The following LCT variants were observed in gnomAD, a reference collection of about 807,000 sequenced individuals.
LCT encodes the protein lactase/phlorizin hydrolase.
Under a neutral mutation model 173.0 loss-of-function variants are expected in LCT, and 90 were observed. The ratio of observed to expected loss-of-function variants is 0.52; its 90% CI spans 0.44 to 0.62. LCT has a LOEUF of 0.62. Among genes scored for constraint, LCT ranks in the 20% least tolerant of loss-of-function variants. LCT has a pLI of 0.00. For missense variants in LCT, 1,864 were observed against 2,431.4 expected, an observed-to-expected ratio of 0.77 and a Z score of 4.91; for synonymous variants, 853 against 957.6, an observed-to-expected ratio of 0.89 and a Z score of 2.02.
chr2:135,835,281 T>G (rs1020580433), intron 1 of LCT, among the ~76,000 whole-genome samples: 7 of 151,436 alleles, frequency 4.6e-5, no homozygotes, highest in Admixed American at 4.6e-4. Flanking sequence ...AGCACTGGAG[T>G]AAATTATTAT....
chr2:135,803,514 C>T (rs2077644399), intron 11 of LCT, among the ~76,000 whole-genome samples: 1 of 152,202 alleles, frequency 6.6e-6, no homozygotes, highest in Admixed American at 6.5e-5. Context: ...CCATGAGCAG[C>T]CTCCTGTTGG....
intron 1 of LCT, among the ~76,000 whole-genome samples, chr2:135,836,109 C>T (rs976147449): frequency 2.1e-4 from 32 of 150,366 alleles, no homozygotes; most frequent in African/African-American, 7.9e-4. Context: ...ACATCTGCCT[C>T]CTGGGTTCAA....
rs1373028087 is a variant in LCT at position 135,812,533 on chromosome 2, G to A, written c.2131C>T (p.Gln711Ter). The A allele has an allele frequency of 6.2e-7, 1 of 1,614,218 alleles. No homozygotes were observed. The highest frequency in any genetic ancestry group is 8.5e-7 in the Non-Finnish European group (1 of 1,180,038). The change falls in exon 7 of 17, where the codon CAA becomes TAA. Residue 711 changes from glutamine (Q) to a stop codon, truncating the protein, a stop_gained. Transcript: ENST00000264162. LOFTEE classifies it high-confidence loss of function. ...TGGGGCCACACATGGTTCACGTGTT[G>A]GGAGAAGCCTCCAATGGTATCATAG... is the stretch of plus-strand genomic sequence containing the variant. ...PSYDTIGGFS[Q>*]HVNHVWPQTS...
At chr2:135,819,157 TTATGTGCATGTA>T (rs1463117047) in intron 5 of LCT, among the ~76,000 whole-genome samples, 1 of 152,210 alleles carries the variant, frequency 6.6e-6, no homozygotes, top group East Asian at 1.9e-4. Context: ...ACATACATGT[TTATGTGCATGTA>T]TATGCATGTA....
intron 1 of LCT, 82 bp from the exon 2 acceptor site, chr2:135,833,272 C>T: frequency 1.1e-6 from 1 of 935,086 alleles, no homozygotes; most frequent in Non-Finnish European, 1.8e-6. Context: ...GATTCATTTC[C>T]TATGGACCTG....
chr2:135,812,869 T>C lies in LCT; in HGVS notation c.1795A>G (p.Ile599Val). The change falls in exon 7 of 17, where the codon ATT becomes GTT. Residue 599 changes from isoleucine to valine, a missense_variant. Ile to Val is a conservative substitution (Grantham distance 29, BLOSUM62 3). Transcript: ENST00000264162. ...TCTGCCCAGTCTGAGTTCAGCACAA[T>C]GCCCACGTGCCCCTGCTGCTGTGGG... is the stretch of plus-strand genomic sequence containing the variant. ...HRPQQQGHVG[I>V]VLNSDWAEPL... The C allele has an allele frequency of 1.2e-6, 2 of 1,614,226 alleles. No individual in the cohort carries two copies. Among genetic ancestry groups the C allele is most frequent in the Non-Finnish European group, 1.7e-6 (2 of 1,180,044 alleles).
Position 135,807,329 on chromosome 2 carries a change from C to T in LCT, c.3972G>A (p.Trp1324Ter). The stretch of plus-strand genomic sequence containing the variant: ...CAAACTTGACCGTGTAGCCATTTAG[C>T]CACTCAAAGTTGTCCATCAGAGACC... ...VAWSLMDNFE[W>*]LNGYTVKFGL... The change falls in exon 9 of 17, where the codon TGG (tryptophan) becomes TGA (stop). Residue 1324 changes from tryptophan to a stop codon, truncating the protein, a stop_gained. Transcript: ENST00000264162. LOFTEE classifies it high-confidence loss of function. 1.2e-6 allele frequency: 2 copies of T among 1,614,120 alleles called. No individual in the cohort carries two copies. Among genetic ancestry groups the T allele is most frequent in the Non-Finnish European group, 8.5e-7 (1 of 1,179,996 alleles).
intron 7 of LCT, 115 bp downstream of exon 7, chr2:135,812,196 T>C (rs2077739909): frequency 2.3e-6 from 2 of 882,794 alleles, no homozygotes; most frequent in African/African-American, 1.6e-5. Flanking sequence ...CCCACTATTA[T>C]GCTTTCTTTG....
Position 135,811,508 on chromosome 2 carries a change from T to G in LCT, c.2353+803A>C, listed in dbSNP as rs548527428. Among the ~76,000 whole-genome samples the G allele has an allele frequency of 3.9e-5, 6 of 152,202 alleles. No homozygotes were observed. In the East Asian group the frequency reaches 1.2e-3, roughly 29 times the overall value. The stretch of plus-strand genomic sequence containing the variant: ...AGACCGTAGATGTGGATCAATTGGA[T>G]CAAAATCAATGACATAGAATGTAGA... On this transcript the variant is annotated intron_variant, in intron 7 of 16. Coordinates refer to ENST00000264162, the MANE Select transcript of LCT (RefSeq NM_002299.4).
Position 135,798,457 on chromosome 2 carries a change from C to T in LCT, c.4867-319G>A, listed in dbSNP as rs141479987. On this transcript the variant is annotated intron_variant, in intron 12 of 16. Coordinates refer to ENST00000264162, the MANE Select transcript of LCT (RefSeq NM_002299.4). ...CTTCCTGGCTGCCCTTGGATGGGTC[C>T]TGCAGAGGAGAAGGGAGAACCCACA... Among the ~76,000 whole-genome samples, 18 of 152,336 alleles carry T rather than the reference C, an allele frequency of 1.2e-4. No individual in the cohort carries two copies. In the East Asian group the frequency reaches 3.5e-3, roughly 29 times the overall value.
rs912555121 is a variant in LCT at position 135,822,299 on chromosome 2, A to C, written c.908-201T>G. On this transcript the variant is annotated intron_variant, in intron 4 of 16. Coordinates refer to ENST00000264162, the MANE Select transcript of LCT (RefSeq NM_002299.4). ...TACTTATTACTTAAAAGTGGTTCTC[A>C]AACTTCAAGGTGAATCAAAATCATC... 6 of 564,614 alleles carry C rather than the reference A, an allele frequency of 1.1e-5. No individual in the cohort carries two copies. In the African/African-American group the frequency reaches 1.1e-4, roughly 11 times the overall value. The allele number at this position is 564,614 out of a possible 1,614,324, so 35.0% of individuals were successfully genotyped here.
chr2:135,797,193 C>A (rs1007224917), intron 13 of LCT, among the ~76,000 whole-genome samples: 1 of 152,022 alleles, frequency 6.6e-6, no homozygotes, highest in African/African-American at 2.4e-5. Flanking sequence ...AGTGATCCGC[C>A]CACCTTGGCC....
chr2:135,824,952 G>A (rs181570311), intron 3 of LCT, among the ~76,000 whole-genome samples: 116 of 147,816 alleles, frequency 7.8e-4, no homozygotes, highest in African/African-American at 1.1e-3. Context: ...GCAGTGAACC[G>A]CTGCACTTCA....
chr2:135,805,196 T>C (rs886358283), intron 9 of LCT, 139 bp from the exon 10 acceptor site: 17 of 877,870 alleles, frequency 1.9e-5, no homozygotes, highest in Non-Finnish European at 2.9e-5. Flanking sequence ...CATTGGTCCA[T>C]GTGTGGTGGC....
At chr2:135,813,613 T>C (rs999726627) in intron 6 of LCT, among the ~76,000 whole-genome samples, 3 of 152,246 alleles carry the variant, frequency 2.0e-5, no homozygotes, top group Non-Finnish European at 4.4e-5. Flanking sequence ...CAGAGCTGTG[T>C]AGTAACTTCA....
intron 1 of LCT, 45 bp downstream of exon 1, chr2:135,836,485 G>C (rs764349633): frequency 5.1e-6 from 8 of 1,579,348 alleles, no homozygotes. Context: ...GAAGGTGTGT[G>C]ATGAAGGTTG....
At chr2:135,805,160 T>C in intron 9 of LCT, 103 bp from the exon 10 acceptor site, 4 of 1,138,194 alleles carry the variant, frequency 3.5e-6, no homozygotes, top group East Asian at 2.4e-5. Context: ...TACTCTTTTG[T>C]GATAACGCTT....
chr2:135,817,254 C>A, intron 6 of LCT, 87 bp downstream of exon 6: 2 of 1,459,304 alleles, frequency 1.4e-6, no homozygotes, highest in Non-Finnish European at 1.9e-6. Flanking sequence ...TAAAGGCTTG[C>A]TGATGGAAGA....
At chr2:135,813,851 A>AG (rs1395163768) in intron 6 of LCT, among the ~76,000 whole-genome samples, 1 of 152,244 alleles carries the variant, frequency 6.6e-6, no homozygotes, top group Non-Finnish European at 1.5e-5. Context: ...AAACCAAACT[A>AG]GGAGTTTCTT....
Sources: gnomAD v4.1 joint callset for allele counts (sites outside exome capture counted in the v4.1 genomes callset) on GRCh38, gnomAD v4.1.1 for gene constraint, MANE v1.5 for transcripts, NCBI Gene and HGNC (gene_info 2026-07-23, HGNC 2026-07-21) for gene names.